The following ABCC1 variants were observed in gnomAD, a reference collection of about 807,000 sequenced individuals.
ABCC1 encodes multidrug resistance-associated protein 1.
ABCC1 carries 83 observed loss-of-function variants against 172.9 expected under a neutral mutation model. The observed-to-expected ratio is 0.48, with a 90% CI of 0.40 to 0.58. The LOEUF (loss-of-function observed/expected upper bound fraction) is 0.58. Ranked by LOEUF, ABCC1 falls within the 20% of genes least tolerant of loss-of-function variation. The pLI is 0.00. For synonymous variants in ABCC1, 937 were observed against 825.2 expected (o/e 1.14, Z -2.32); for missense variants, 1,817 against 2,002.7 (o/e 0.91, Z 1.77).
chr16:16,056,288 C>T lies in ABCC1; in HGVS notation c.1670C>T (p.Pro557Leu). ...AVGTFTWVCT[P>L]FLVALCTFAV... ...GGCACCTTCACCTGGGTCTGCACGC[C>T]CTTTCTGGTGAGTGAAGCCACATTT... The change falls in exon 12 of 31, where the codon CCC becomes CTC. Residue 557 changes from proline (P) to leucine (L), a missense_variant. Coordinates refer to ENST00000399410, the MANE Select transcript of ABCC1 (RefSeq NM_004996.4). 3 of 1,614,182 alleles carry T rather than the reference C, an allele frequency of 1.9e-6. No individual in the cohort carries two copies. Among genetic ancestry groups the T allele is most frequent in the Non-Finnish European group, 1.7e-6 (2 of 1,180,030 alleles).
At chr16:15,951,814 C>T (rs1199687018) in intron 1 of ABCC1, among the ~76,000 whole-genome samples, 1 of 152,156 alleles carries the variant, frequency 6.6e-6, no homozygotes, top group African/African-American at 2.4e-5. Flanking sequence ...CTCAGCCTCC[C>T]AAGTACCTGG....
In ABCC1 at chr16:16,079,332, G is replaced by C. The variant is rs778127045; in HGVS notation, c.1989-20G>C. ...GGCCTCATTCAGCGTGGCTGAGCCA[G>C]GTGTGTTGTGTCGTTTCAGCATCAC... On this transcript the variant is annotated intron_variant, in intron 15 of 30. Transcript: ENST00000399410. The C allele has an allele frequency of 2.5e-5, 41 of 1,612,844 alleles. No individual in the cohort carries two copies. The highest frequency in any genetic ancestry group is 3.5e-5 in the Non-Finnish European group (41 of 1,179,102).
intron 12 of ABCC1, among the ~76,000 whole-genome samples, chr16:16,062,553 A>G (rs2049961493): frequency 2.6e-5 from 4 of 152,080 alleles, no homozygotes; most frequent in Admixed American, 2.6e-4. Flanking sequence ...CTTGCCATTT[A>G]GTTTCCCGGA....
chr16:16,006,703 A>G (rs12935283), intron 1 of ABCC1, among the ~76,000 whole-genome samples: 75,592 of 152,074 alleles, frequency 0.5, 19,670 homozygotes, highest in Non-Finnish European at 0.59. Context: ...GATACTGGAC[A>G]CAGTATTTAA....
At chr16:16,057,959 T>C (rs906831570) in intron 12 of ABCC1, among the ~76,000 whole-genome samples, 6 of 152,138 alleles carry the variant, frequency 3.9e-5, no homozygotes, top group Admixed American at 2.6e-4. Context: ...TTTGTGTTCA[T>C]GATGGATGCT....
intron 1 of ABCC1, among the ~76,000 whole-genome samples, chr16:15,988,282 C>T (rs1713326147): frequency 6.6e-6 from 1 of 152,146 alleles, no homozygotes; most frequent in South Asian, 2.1e-4. Context: ...CTTTTCATCA[C>T]ACATGTCTTC....
chr16:16,119,725 A>AGGAATAT, intron 23 of ABCC1, among the ~76,000 whole-genome samples: 1 of 152,270 alleles, frequency 6.6e-6, no homozygotes, highest in South Asian at 2.1e-4. Flanking sequence ...ACAAATATTC[A>AGGAATAT]TCTCAGGTTA....
rs868718078 is a variant in ABCC1 at position 16,117,027 on chromosome 16, G to A, written c.3390+1951G>A. Among the ~76,000 whole-genome samples, 98 of 152,194 alleles carry A rather than the reference G, an allele frequency of 6.4e-4. No individual in the cohort carries two copies. The Middle Eastern group carries it at 0.017, about 26-fold the overall frequency. ...ATTCACACCGCGGATGGGACTGGGG[G>A]GGATTTCATCACACTACTCAGAAGG... On this transcript the variant is annotated intron_variant, in intron 23 of 30. Transcript: ENST00000399410.
rs905507284 is a variant in ABCC1, at chr16:16,014,515, C to A, written c.376C>A (p.Leu126Met). 1 of 1,614,084 alleles carries A rather than the reference C, an allele frequency of 6.2e-7. No homozygotes were observed. Residue 126 changes from leucine to methionine, a missense_variant, in exon 4 of 31, where the codon CTG becomes ATG. Coordinates refer to ENST00000399410, the MANE Select transcript of ABCC1 (RefSeq NM_004996.4). ...TMLLATFLIQ[L>M]ERRKGVQSSG... Reference sequence around the variant, plus strand: ...GCTGCTTGCTACCTTTTTAATTCAGCTGGAGAGGAGGAAGGGAGTTCAGTC... The same window carrying A: ...GCTGCTTGCTACCTTTTTAATTCAGATGGAGAGGAGGAAGGGAGTTCAGTC...
intron 1 of ABCC1, among the ~76,000 whole-genome samples, chr16:15,971,041 G>GC (rs1464359789): frequency 6.6e-6 from 1 of 152,138 alleles, no homozygotes; most frequent in Non-Finnish European, 1.5e-5. Context: ...AGTTTAATAG[G>GC]CAAGAAGGGG....
chr16:16,069,931 C>T (rs756442902), intron 13 of ABCC1, among the ~76,000 whole-genome samples: 1 of 151,968 alleles, frequency 6.6e-6, no homozygotes, highest in Non-Finnish European at 1.5e-5. Context: ...GGCTGAGACA[C>T]GAGAATCGCT....
chr16:16,109,653 C>G (rs1437478613), intron 21 of ABCC1, among the ~76,000 whole-genome samples: 1 of 152,108 alleles, frequency 6.6e-6, no homozygotes, highest in African/African-American at 2.4e-5. Context: ...TTGTTTAGCC[C>G]CATGCTGGGC....
At chr16:16,123,159 A>G (rs2045241444) in intron 24 of ABCC1, among the ~76,000 whole-genome samples, 1 of 152,102 alleles carries the variant, frequency 6.6e-6, no homozygotes, top group Non-Finnish European at 1.5e-5. Context: ...TTCCCTTCAG[A>G]ATTTTTAGGG....
At chr16:16,079,608 C>G (rs2050726320) in intron 16 of ABCC1, 130 bp downstream of exon 16, 2 of 1,157,090 alleles carry the variant, frequency 1.7e-6, no homozygotes, top group Non-Finnish European at 2.4e-6. Flanking sequence ...TTTCCTCCTC[C>G]TCCTGTATCT....
chr16:16,088,150 T>C (rs1313089782), intron 18 of ABCC1, among the ~76,000 whole-genome samples: 1 of 151,306 alleles, frequency 6.6e-6, no homozygotes, highest in African/African-American at 2.4e-5. Context: ...TGTGTGTGTG[T>C]GCATGTATAT....
intron 19 of ABCC1, 62 bp from the exon 20 acceptor site, chr16:16,102,565 C>T: frequency 3.3e-6 from 5 of 1,496,158 alleles, no homozygotes; most frequent in Non-Finnish European, 3.6e-6. Context: ...GTTTTTGTTG[C>T]CCTTGGTTTT....
intron 19 of ABCC1, among the ~76,000 whole-genome samples, chr16:16,091,435 T>G (rs2051253353): frequency 6.7e-6 from 1 of 149,796 alleles, no homozygotes; most frequent in Admixed American, 6.6e-5. Flanking sequence ...TCAGATGCTA[T>G]TAAGTGCTTT....
At chr16:16,137,739 G>C (rs1200091678) in intron 29 of ABCC1, among the ~76,000 whole-genome samples, 1 of 151,816 alleles carries the variant, frequency 6.6e-6, no homozygotes, top group Admixed American at 6.6e-5. Flanking sequence ...TTTTAGTAGA[G>C]ATGGGGTATC....
chr16:15,953,126 A>C (rs1046712628), intron 1 of ABCC1, among the ~76,000 whole-genome samples: 4 of 152,140 alleles, frequency 2.6e-5, no homozygotes, highest in Non-Finnish European at 5.9e-5. Flanking sequence ...ACCTGAGGTC[A>C]GGGGTTCAAG....
Sources: allele counts gnomAD v4.1 joint callset (sites outside exome capture counted in the v4.1 genomes callset), GRCh38; gene constraint gnomAD v4.1.1; transcripts MANE v1.5; gene names NCBI Gene and HGNC (gene_info 2026-07-23, HGNC 2026-07-21).